SHANK2: variants seen among roughly 807,000 people sequenced by gnomAD.
SHANK2 encodes the protein SH3 and multiple ankyrin repeat domains protein 2.
A neutral mutation model predicts 133.7 loss-of-function variants in SHANK2; 43 were observed. The observed-to-expected ratio is 0.32, with a 90% CI of 0.25 to 0.41. SHANK2 has a LOEUF of 0.41. Ranked by LOEUF, SHANK2 falls within the 10% of genes least tolerant of loss-of-function variation. The pLI is 1.00. For synonymous variants in SHANK2, 1,017 were observed against 952.8 expected (o/e 1.07, Z -1.24); for missense variants, 1,994 against 2,235.8 (o/e 0.89, Z 2.18).
Position 71,175,556 on chromosome 11 carries a change from GAGAGAGA to G in SHANK2, c.-12-28225_-12-28219del, listed in dbSNP as rs1565496330. 0.14 allele frequency among the ~76,000 whole-genome samples: 8,329 copies of G among 58,176 alleles called. 333 individuals are homozygous for G. The highest frequency in any genetic ancestry group is 0.34 in the South Asian group (563 of 1,666). The allele number at this position is 58,176 out of a possible 152,430, so 38.2% of individuals were successfully genotyped here. ...AGACAGAGGGAGAGGGAGAGGGAGA[GAGAGAGA>G]GAGAGAGAGAGAGAGAGAGAGAGAG... is the stretch of plus-strand genomic sequence containing the variant. On this transcript the variant is annotated intron_variant, in intron 2 of 25. Coordinates refer to ENST00000601538, the MANE Select transcript of SHANK2 (RefSeq NM_012309.5). The surrounding 1 kb of genome is among the most constrained non-coding windows in gnomAD (Gnocchi z 4.2).
rs550384402 is a variant in SHANK2, at chr11:70,468,657, G to A, written c.*4212C>T. On this transcript the variant is annotated 3_prime_UTR_variant, in exon 26 of 26. Coordinates refer to ENST00000601538, the MANE Select transcript of SHANK2 (RefSeq NM_012309.5). ...AAGAAACCATTGGAAGCAAAGTCTA[G>A]GGGGGTGCCAAGGTTTGGGAGAAAC... 1 of 152,318 alleles carries A rather than the reference G, an allele frequency of 6.6e-6. No individual in the cohort carries two copies. Among genetic ancestry groups the A allele is most frequent in the East Asian group, 1.9e-4 (1 of 5,188 alleles). 9.4% of individuals were successfully genotyped at this position (152,318 alleles called of 1,614,324 possible). A position where few individuals can be genotyped will look rare whatever the true frequency, so the allele number is the denominator to read the frequency against.
intron 14 of SHANK2, among the ~76,000 whole-genome samples, chr11:70,794,685 G>A (rs1565321023): frequency 6.6e-6 from 1 of 152,188 alleles, no homozygotes; most frequent in Non-Finnish European, 1.5e-5. Context: ...GGCCTCCCAA[G>A]TAGCTGGGAT....
chr11:70,810,551 C>T (rs1332486162), intron 12 of SHANK2, among the ~76,000 whole-genome samples: 1 of 152,252 alleles, frequency 6.6e-6, no homozygotes, highest in Non-Finnish European at 1.5e-5. Context: ...CTGCCCACAT[C>T]TGCCCCGAGT....
rs1555158181 is a variant in SHANK2 at position 70,500,556 on chromosome 11, T to C, written c.2308+14A>G. 5 of 1,600,868 alleles carry C rather than the reference T, an allele frequency of 3.1e-6. No individual in the cohort carries two copies. In the Admixed American group the frequency reaches 5.1e-5, roughly 16 times the overall value. On this transcript the variant is annotated intron_variant, in intron 21 of 25. Coordinates refer to ENST00000601538, the MANE Select transcript of SHANK2 (RefSeq NM_012309.5). This position sits in a 1 kb window ranked among gnomAD's most constrained non-coding sequence, Gnocchi z 4.5. ...ATGGGCAGGGGGCTGAGACAGACACTGGGCCTCCCTTACCCTTCTTCTTCC... is the reference window on the plus strand; with the variant it reads ...ATGGGCAGGGGGCTGAGACAGACACCGGGCCTCCCTTACCCTTCTTCTTCC...
At chr11:70,898,237 A>G (rs1949967118) in intron 10 of SHANK2, among the ~76,000 whole-genome samples, 2 of 146,762 alleles carry the variant, frequency 1.4e-5, no homozygotes, top group African/African-American at 2.5e-5. Context: ...AAGTGCTGAG[A>G]TTACAGGCAT....
chr11:71,181,624 A>C (rs549204177), intron 2 of SHANK2, among the ~76,000 whole-genome samples: 50 of 152,232 alleles, frequency 3.3e-4, no homozygotes, highest in East Asian at 1.2e-3. Context: ...TGCTGAAAAG[A>C]AGCAGCAGAA....
intron 15 of SHANK2, among the ~76,000 whole-genome samples, chr11:70,671,018 G>A (rs1292314638): frequency 6.6e-6 from 1 of 152,238 alleles, no homozygotes; most frequent in Non-Finnish European, 1.5e-5. Context: ...CGCTTATTAT[G>A]ACCATTTTCC....
chr11:70,565,573 C>G (rs1591587305), intron 17 of SHANK2, among the ~76,000 whole-genome samples: 1 of 152,158 alleles, frequency 6.6e-6, no homozygotes, highest in Admixed American at 6.6e-5. Context: ...GATGTTCTTC[C>G]AGTCTCTGCC....
chr11:70,760,272 C>T (rs1431055589), intron 14 of SHANK2, among the ~76,000 whole-genome samples: 2 of 152,212 alleles, frequency 1.3e-5, no homozygotes, highest in African/African-American at 4.8e-5. Flanking sequence ...CATAAAGCCC[C>T]GTTCCACCCT....
At chr11:70,662,045 C>G in intron 15 of SHANK2, 1 of 503,760 alleles carries the variant, frequency 2.0e-6, no homozygotes, top group South Asian at 2.0e-5. Context: ...CGAACGGCGG[C>G]GGCGGCAGCG....
chr11:71,249,011 G>A (rs904610655), intron 1 of SHANK2, among the ~76,000 whole-genome samples: 3 of 152,102 alleles, frequency 2.0e-5, no homozygotes, highest in Non-Finnish European at 4.4e-5. Flanking sequence ...TTATTCACGC[G>A]GAAAGAAACA....
chr11:71,160,178 G>A (rs1474031243), intron 2 of SHANK2, among the ~76,000 whole-genome samples: 2 of 152,234 alleles, frequency 1.3e-5, no homozygotes, highest in Non-Finnish European at 1.5e-5. Context: ...CAATGCCAAG[G>A]CCCACAGTGA....
Position 70,573,834 on chromosome 11 carries a change from C to A in SHANK2, c.2062-70903G>T, listed in dbSNP as rs369187941. Among the ~76,000 whole-genome samples, 71 of 152,348 alleles carry A rather than the reference C, an allele frequency of 4.7e-4. 1 individual carries two copies. In the South Asian group the frequency reaches 0.012, roughly 26 times the overall value. On this transcript the variant is annotated intron_variant, in intron 17 of 25. Transcript: ENST00000601538. ...TAGAGTATGCAAAGTACTTCTCACACCGAAGACTTCAAGGCACACTTACCA... is the reference window on the plus strand; with the variant it reads ...TAGAGTATGCAAAGTACTTCTCACAACGAAGACTTCAAGGCACACTTACCA...
intron 11 of SHANK2, among the ~76,000 whole-genome samples, chr11:70,832,852 G>A (rs1948745547): frequency 6.6e-6 from 1 of 152,218 alleles, no homozygotes; most frequent in East Asian, 1.9e-4. Flanking sequence ...CCCACGAGCA[G>A]GTGCAGCCAG....
At chr11:70,604,439 G>A (rs1023515945) in intron 17 of SHANK2, 1 of 152,614 alleles carries the variant, frequency 6.6e-6, no homozygotes, top group Non-Finnish European at 1.5e-5. Flanking sequence ...AGTGAGTCCA[G>A]GAGGGCCAGG....
chr11:71,092,779 G>A (rs1467063565), intron 7 of SHANK2, among the ~76,000 whole-genome samples, 190 bp from the exon 8 acceptor site: 9 of 152,098 alleles, frequency 5.9e-5, no homozygotes, highest in African/African-American at 2.2e-4. Context: ...GGTGGCTGAC[G>A]CCTATGATCC....
intron 14 of SHANK2, among the ~76,000 whole-genome samples, chr11:70,716,547 A>G (rs1945926314): frequency 1.3e-5 from 2 of 152,062 alleles, no homozygotes; most frequent in East Asian, 3.9e-4. Context: ...GGTCAAGGGG[A>G]CCCATCTCCA....
intron 22 of SHANK2, among the ~76,000 whole-genome samples, 157 bp downstream of exon 22, chr11:70,492,178 C>A (rs1180781660): frequency 6.6e-6 from 1 of 152,242 alleles, no homozygotes; most frequent in Non-Finnish European, 1.5e-5. Context: ...CTGCACAGAC[C>A]CGGCTCTTTG....
At position 70,807,133 on chromosome 11, in the gene SHANK2, G is replaced by A. The variant is rs1555052122; in HGVS notation, c.1532C>T (p.Ser511Leu). ...CTTGGGCCCCGGGTACTCGAAGGCCGAGAGTGAGTCCTTGTTGGCACCAAG... is the reference window on the plus strand; with the variant it reads ...CTTGGGCCCCGGGTACTCGAAGGCCAAGAGTGAGTCCTTGTTGGCACCAAG... ...FALGANKDSL[S>L]AFEYPGPKRK... The change falls in exon 13 of 26, where the codon TCG becomes TTG. Residue 511 changes from serine (S) to leucine (L), a missense_variant. Ser to Leu is a moderately radical substitution (Grantham distance 145). Around this residue, in one of 5 missense-constraint regions of SHANK2, gnomAD observed 653 missense variants for 563.4 expected, o/e 1.16. Transcript: ENST00000601538. The surrounding 1 kb of genome is among the most constrained non-coding windows in gnomAD (Gnocchi z 4.8). 3 of 717,906 alleles carry A rather than the reference G, an allele frequency of 4.2e-6. No individual in the cohort carries two copies. Among genetic ancestry groups the A allele is most frequent in the South Asian group, 1.5e-5 (1 of 67,580 alleles). 44.5% of individuals were successfully genotyped at this position (717,906 alleles called of 1,614,324 possible).
Sources: gnomAD v4.1 joint callset for allele counts (sites outside exome capture counted in the v4.1 genomes callset) on GRCh38, gnomAD v4.1.1 for gene constraint, gnomAD v4.1.1 regional missense constraint, Gnocchi (gnomAD v3.1) non-coding constraint, MANE v1.5 for transcripts, NCBI Gene and HGNC (gene_info 2026-07-23, HGNC 2026-07-21) for gene names.